The following IQCM variants were observed in gnomAD, a reference collection of about 807,000 sequenced individuals.
IQCM encodes IQ domain-containing protein M.
In IQCM, 45 loss-of-function variants were observed where a neutral mutation model predicts 57.6. That is an observed-to-expected ratio of 0.78 (90% CI 0.62 to 1.00). The LOEUF (loss-of-function observed/expected upper bound fraction) is 1.00, where lower values mean the gene tolerates loss of function less well. Among genes scored for constraint, IQCM ranks in the 50% least tolerant of loss-of-function variants. The probability of loss-of-function intolerance (pLI) is 0.00; values close to 1 mark genes in which losing one functional copy is unlikely to be tolerated. For synonymous variants in IQCM, 148 were observed against 158.9 expected (o/e 0.93, Z 0.51); for missense variants, 468 against 511.6 (o/e 0.91, Z 0.82).
At chr4:149,708,909 G>A (rs1764356109) in intron 5 of IQCM, among the ~76,000 whole-genome samples, 1 of 152,136 alleles carries the variant, frequency 6.6e-6, no homozygotes, top group East Asian at 1.9e-4. Flanking sequence ...AGACAGAACA[G>A]GAATCTGACT....
intron 12 of IQCM, among the ~76,000 whole-genome samples, chr4:149,524,169 T>G (rs973674592): frequency 6.6e-6 from 1 of 152,278 alleles, no homozygotes; most frequent in South Asian, 2.1e-4. Context: ...AAAGAGCAGA[T>G]GCTGTATGAT....
chr4:149,413,087 C>T (rs1320626859), intron 13 of IQCM, among the ~76,000 whole-genome samples: 2 of 152,162 alleles, frequency 1.3e-5, no homozygotes, highest in African/African-American at 4.8e-5. Flanking sequence ...CATGTATGCA[C>T]ATTATAAAAC....
At chr4:149,683,605 A>C (rs1375759984) in intron 6 of IQCM, among the ~76,000 whole-genome samples, 1 of 151,332 alleles carries the variant, frequency 6.6e-6, no homozygotes. Flanking sequence ...TTCCATTTGA[A>C]ATTCTATAAC....
intron 2 of IQCM, among the ~76,000 whole-genome samples, chr4:149,752,826 G>C (rs1768584522): frequency 6.6e-6 from 1 of 152,172 alleles, no homozygotes; most frequent in Non-Finnish European, 1.5e-5. Flanking sequence ...TAGCTAAAAA[G>C]AGGTAGAAAT....
At chr4:149,762,759 G>T (rs1035726918) in intron 2 of IQCM, among the ~76,000 whole-genome samples, 1 of 151,996 alleles carries the variant, frequency 6.6e-6, no homozygotes. Flanking sequence ...TTGTAAGTCA[G>T]GGGATAAGGT....
chr4:149,498,219 C>T (rs989314738), intron 12 of IQCM, among the ~76,000 whole-genome samples: 5 of 152,076 alleles, frequency 3.3e-5, no homozygotes, highest in African/African-American at 4.8e-5. Flanking sequence ...TATGCTCCTC[C>T]CACACAAAAC....
At chr4:149,494,111 T>C (rs762216848) in intron 12 of IQCM, among the ~76,000 whole-genome samples, 9 of 151,958 alleles carry the variant, frequency 5.9e-5, no homozygotes, top group Non-Finnish European at 1.0e-4. Flanking sequence ...AAACATAGCC[T>C]GATACGATAC....
At chr4:149,405,881 T>C (rs1322176344) in intron 13 of IQCM, among the ~76,000 whole-genome samples, 1 of 35,442 alleles carries the variant, frequency 2.8e-5, no homozygotes, top group Non-Finnish European at 5.2e-5. Flanking sequence ...CATATATATA[T>C]ATATCTTCAT....
chr4:149,417,919 G>C (rs1360040968), intron 13 of IQCM, among the ~76,000 whole-genome samples: 1 of 149,522 alleles, frequency 6.7e-6, no homozygotes, highest in Non-Finnish European at 1.5e-5. Context: ...TGGGATGAAT[G>C]ATAATTATCA....
chr4:149,681,464 T>A (rs1762171487), intron 7 of IQCM, among the ~76,000 whole-genome samples: 2 of 151,210 alleles, frequency 1.3e-5, no homozygotes, highest in East Asian at 3.9e-4. Context: ...GGAAGTGAGC[T>A]TCCACTTAAT....
intron 12 of IQCM, among the ~76,000 whole-genome samples, chr4:149,509,628 A>C (rs1189474398): frequency 6.6e-6 from 1 of 152,166 alleles, no homozygotes; most frequent in African/African-American, 2.4e-5. Context: ...CAAGAAAGGG[A>C]GATCTGAGAA....
At chr4:149,461,822 A>T (rs1234552541) in intron 12 of IQCM, among the ~76,000 whole-genome samples, 1 of 151,476 alleles carries the variant, frequency 6.6e-6, no homozygotes, top group Non-Finnish European at 1.5e-5. Flanking sequence ...AAGGAATACT[A>T]TATATATATA....
intron 2 of IQCM, among the ~76,000 whole-genome samples, chr4:149,753,154 T>C (rs1768617206): frequency 6.6e-6 from 1 of 152,242 alleles, no homozygotes; most frequent in Admixed American, 6.5e-5. Flanking sequence ...ACTTAAAAAT[T>C]ATTTAACATA....
chr4:149,398,738 G>T (rs1289084501), intron 13 of IQCM, among the ~76,000 whole-genome samples: 2 of 151,914 alleles, frequency 1.3e-5, no homozygotes, highest in African/African-American at 4.8e-5. Flanking sequence ...ACAGGGTCTA[G>T]CTATGTTGCC....
chr4:149,379,430 A>G (rs1339385218), intron 13 of IQCM, among the ~76,000 whole-genome samples: 1 of 152,170 alleles, frequency 6.6e-6, no homozygotes, highest in Non-Finnish European at 1.5e-5. Flanking sequence ...GGAGCTGCCC[A>G]AGACCATGGG....
chr4:149,538,919 T>C (rs1266364044), intron 12 of IQCM, among the ~76,000 whole-genome samples: 2 of 152,044 alleles, frequency 1.3e-5, no homozygotes, highest in African/African-American at 4.8e-5. Context: ...AAATTATATA[T>C]CTGATAAAGA....
chr4:149,435,477 C>T (rs138175284), intron 12 of IQCM, among the ~76,000 whole-genome samples: 9 of 151,768 alleles, frequency 5.9e-5, no homozygotes, highest in African/African-American at 1.2e-4. Context: ...CAACTATTTA[C>T]ATTACATTTA....
chr4:149,630,770 C>T (rs1757198357), intron 7 of IQCM, among the ~76,000 whole-genome samples: 1 of 152,100 alleles, frequency 6.6e-6, no homozygotes, highest in African/African-American at 2.4e-5. Context: ...TTCTAAGAGT[C>T]TTTCCTAAGA....
chr4:149,382,185 G>T (rs1326700377), intron 13 of IQCM, among the ~76,000 whole-genome samples: 1 of 152,088 alleles, frequency 6.6e-6, no homozygotes, highest in Non-Finnish European at 1.5e-5. Context: ...TGTTTCCCAT[G>T]TTTCTAGAAT....
Sources: gnomAD v4.1 joint callset for allele counts (sites outside exome capture counted in the v4.1 genomes callset) on GRCh38, gnomAD v4.1.1 for gene constraint, MANE v1.5 for transcripts, NCBI Gene and HGNC (gene_info 2026-07-23, HGNC 2026-07-21) for gene names.